The following SOX5 variants were observed in gnomAD, a reference collection of about 807,000 sequenced individuals.
The protein encoded by SOX5 is SRY-box transcription factor 5.
A neutral mutation model predicts 92.0 loss-of-function variants in SOX5; 9 were observed. The observed-to-expected ratio is 0.10, with a 90% CI of 0.06 to 0.17. SOX5 has a LOEUF of 0.17. Ranked by LOEUF, SOX5 falls within the 10% of genes least tolerant of loss-of-function variation. The pLI, the probability that SOX5 is intolerant of heterozygous loss-of-function variation, is 1.00. For missense variants in SOX5, 642 were observed against 944.5 expected (o/e 0.68, Z 4.20); for synonymous variants, 344 against 336.3 (o/e 1.02, Z -0.25).
chr12:23,577,020 A>G (rs959247244), intron 9 of SOX5, among the ~76,000 whole-genome samples: 1 of 151,040 alleles, frequency 6.6e-6, no homozygotes, highest in African/African-American at 2.4e-5. Context: ...AGGTGACATT[A>G]AAGTATATGT....
intron 4 of SOX5, among the ~76,000 whole-genome samples, chr12:23,985,662 A>ATT (rs34711588): frequency 2.0e-4 from 30 of 149,120 alleles, no homozygotes; most frequent in East Asian, 9.8e-4. Context: ...TGCTTCCCTT[A>ATT]TTTTTTTTTT....
intron 1 of SOX5, among the ~76,000 whole-genome samples, chr12:24,457,487 A>C (rs1309675334): frequency 6.6e-6 from 1 of 152,140 alleles, no homozygotes; most frequent in East Asian, 1.9e-4. Flanking sequence ...AGCATTTCTT[A>C]TTTGGGCATA....
intron 4 of SOX5, among the ~76,000 whole-genome samples, chr12:24,061,548 A>G (rs887755794): frequency 4.6e-5 from 7 of 152,092 alleles, no homozygotes; most frequent in Admixed American, 2.6e-4. Flanking sequence ...TAAAATACCA[A>G]TGACAACGTT....
chr12:24,034,638 A>G (rs1182669969), intron 4 of SOX5, among the ~76,000 whole-genome samples: 1 of 151,128 alleles, frequency 6.6e-6, no homozygotes, highest in Non-Finnish European at 1.5e-5. Context: ...TATTTTATCC[A>G]ACTTGATTGA....
intron 4 of SOX5, among the ~76,000 whole-genome samples, chr12:24,169,155 AG>A (rs1953774332): frequency 6.6e-6 from 1 of 152,178 alleles, no homozygotes; most frequent in Non-Finnish European, 1.5e-5. Context: ...GTCCTTCTCA[AG>A]TAAATAGAAG....
At chr12:23,613,850 T>G (rs2076246582) in intron 8 of SOX5, among the ~76,000 whole-genome samples, 1 of 152,150 alleles carries the variant, frequency 6.6e-6, no homozygotes, top group African/African-American at 2.4e-5. Flanking sequence ...AATGGTGGTT[T>G]TCAGGGGCTC....
chr12:23,668,219 A>G (rs932041043), intron 6 of SOX5, among the ~76,000 whole-genome samples: 4 of 152,210 alleles, frequency 2.6e-5, no homozygotes, highest in Non-Finnish European at 5.9e-5. Context: ...AATAAATATT[A>G]AACAAGGTAT....
chr12:23,716,511 AT>A (rs1391435346), intron 6 of SOX5, among the ~76,000 whole-genome samples: 5 of 152,158 alleles, frequency 3.3e-5, no homozygotes, highest in African/African-American at 9.7e-5. Flanking sequence ...TTCTTTAGCT[AT>A]TTTCTCTCTG....
At chr12:23,815,983 A>T (rs1216246982) in intron 3 of SOX5, among the ~76,000 whole-genome samples, 1 of 152,164 alleles carries the variant, frequency 6.6e-6, no homozygotes, top group Non-Finnish European at 1.5e-5. Context: ...TGTTCCAATA[A>T]AACTTTATTT....
chr12:24,093,260 A>G (rs1265036670), intron 4 of SOX5, among the ~76,000 whole-genome samples: 2 of 151,992 alleles, frequency 1.3e-5, no homozygotes, highest in Non-Finnish European at 2.9e-5. Flanking sequence ...GGTGGCTCAC[A>G]CCTGTAATCC....
At chr12:24,087,985 T>C (rs948592762) in intron 4 of SOX5, among the ~76,000 whole-genome samples, 3 of 152,010 alleles carry the variant, frequency 2.0e-5, no homozygotes, top group Non-Finnish European at 4.4e-5. Context: ...TTCCAACTAG[T>C]GAGTTTCTAA....
At chr12:24,353,259 G>A (rs375731595) in intron 2 of SOX5, among the ~76,000 whole-genome samples, 1 of 152,198 alleles carries the variant, frequency 6.6e-6, no homozygotes. Flanking sequence ...TCTGAGAGGT[G>A]TGTACCCTCT....
At chr12:23,686,606 A>T (rs2087632404) in intron 6 of SOX5, among the ~76,000 whole-genome samples, 1 of 152,200 alleles carries the variant, frequency 6.6e-6, no homozygotes, top group Admixed American at 6.5e-5. Context: ...CTTTCACAGA[A>T]ATACAAATTC....
intron 8 of SOX5, among the ~76,000 whole-genome samples, chr12:23,616,760 A>C (rs1057265645): frequency 3.9e-5 from 6 of 152,152 alleles, no homozygotes; most frequent in Non-Finnish European, 7.4e-5. Flanking sequence ...TTGAATTATC[A>C]GGTCAAGCAA....
chr12:23,836,725 A>G (rs978744584), intron 3 of SOX5, among the ~76,000 whole-genome samples: 1 of 151,940 alleles, frequency 6.6e-6, no homozygotes, highest in African/African-American at 2.4e-5. Context: ...GCACCCTCAT[A>G]ATGATTTAGC....
At position 23,978,066 on chromosome 12, in the gene SOX5, C is replaced by T. The variant is rs146838380; in HGVS notation, c.-1-82042G>A. On this transcript the variant is annotated intron_variant, in intron 4 of 4. Coordinates refer to the SOX5 transcript ENST00000446891. ...TAAATGACACCTTACTGGAGAAAAA[C>T]GTATCATGACATGTGATTCATATAA... 3.7e-3 allele frequency among the ~76,000 whole-genome samples: 570 copies of T among 152,266 alleles called. 3 individuals are homozygous for T. Among genetic ancestry groups the T allele is most frequent in the African/African-American group, 0.013 (533 of 41,552 alleles).
intron 4 of SOX5, among the ~76,000 whole-genome samples, chr12:24,070,339 C>G (rs982786920): frequency 6.6e-6 from 1 of 152,116 alleles, no homozygotes; most frequent in African/African-American, 2.4e-5. Flanking sequence ...GGCAACAGGA[C>G]TGATCAGGCC....
chr12:23,947,574 A>G (rs1241726094), intron 1 of SOX5, among the ~76,000 whole-genome samples: 1 of 151,892 alleles, frequency 6.6e-6, no homozygotes, highest in African/African-American at 2.4e-5. Context: ...AAGGAACGTT[A>G]TATTGTGTGA....
chr12:24,489,030 G>A (rs1412527070), intron 1 of SOX5, among the ~76,000 whole-genome samples: 3 of 152,172 alleles, frequency 2.0e-5, no homozygotes, highest in Admixed American at 1.3e-4. Context: ...AAGGTCATTT[G>A]TTCTTCATGG....
Sources: allele counts gnomAD v4.1 joint callset (sites outside exome capture counted in the v4.1 genomes callset), GRCh38; gene constraint gnomAD v4.1.1; transcripts MANE v1.5; gene names NCBI Gene and HGNC (gene_info 2026-07-23, HGNC 2026-07-21).